RPRD2: variants seen among roughly 807,000 people sequenced by gnomAD.
The protein encoded by RPRD2 is regulation of nuclear pre-mRNA domain-containing protein 2.
In RPRD2, 12 loss-of-function variants were observed where a neutral mutation model predicts 104.4. The ratio of observed to expected loss-of-function variants is 0.11; its 90% CI spans 0.07 to 0.19. The LOEUF is 0.19. RPRD2 is among the 10% of genes least tolerant of loss of function. The probability of loss-of-function intolerance (pLI) is 1.00; values close to 1 mark genes in which losing one functional copy is unlikely to be tolerated. For missense variants in RPRD2, 1,543 were observed against 1,790.1 expected (o/e 0.86, Z 2.49); for synonymous variants, 714 against 684.9 (o/e 1.04, Z -0.66).
At chr1:150,427,842 C>G (rs1168785359) in intron 2 of RPRD2, among the ~76,000 whole-genome samples, 1 of 151,978 alleles carries the variant, frequency 6.6e-6, no homozygotes, top group Non-Finnish European at 1.5e-5. Flanking sequence ...ATAACACTTT[C>G]TGTATAGAAA....
At chr1:150,434,959 G>A (rs587684270) in intron 2 of RPRD2, among the ~76,000 whole-genome samples, 1 of 152,306 alleles carries the variant, frequency 6.6e-6, no homozygotes, top group South Asian at 2.1e-4. Flanking sequence ...GTGCATTGCA[G>A]GTAATGTGGT....
chr1:150,419,098 C>G (rs939894619), intron 2 of RPRD2, among the ~76,000 whole-genome samples: 53 of 152,280 alleles, frequency 3.5e-4, no homozygotes, highest in African/African-American at 1.1e-3. Flanking sequence ...TCCCCACATT[C>G]GGGGAGAATT....
intron 1 of RPRD2, among the ~76,000 whole-genome samples, chr1:150,370,407 A>G (rs1660213612): frequency 6.6e-6 from 1 of 152,092 alleles, no homozygotes; most frequent in Admixed American, 6.6e-5. Flanking sequence ...AGTAGAGATA[A>G]TTCTGTCTGG....
In RPRD2 at chr1:150,470,891, T is replaced by A; in HGVS notation, c.1943T>A (p.Ile648Asn). 6.2e-7 allele frequency: 1 copy of A among 1,614,014 alleles called. No homozygotes were observed. Among genetic ancestry groups the A allele is most frequent in the Non-Finnish European group, 8.5e-7 (1 of 1,179,898 alleles). The stretch of plus-strand genomic sequence containing the variant: ...GCTGCCCCACCTACTGAAGTTACCA[T>A]CTGCCAATCTTCAGAGGTCTCCAAG... ...SPAAPPTEVT[I>N]CQSSEVSKPK... The change falls in exon 11 of 11, where the codon ATC becomes AAC. Residue 648 changes from isoleucine to asparagine, a missense_variant. Ile to Asn is a moderately radical substitution (Grantham distance 149). This residue lies in a region of RPRD2 where 572 missense variants were observed against 787.3 expected (regional missense o/e 0.73). Coordinates refer to ENST00000369068, the MANE Select transcript of RPRD2 (RefSeq NM_015203.5).
At chr1:150,470,534 T>C in intron 10 of RPRD2, 27 bp from the exon 11 acceptor site, 1 of 1,596,002 alleles carries the variant, frequency 6.3e-7, no homozygotes, top group Admixed American at 1.8e-5. Context: ...TTGTTCTTTT[T>C]AACCCCTCTA....
chr1:150,368,960 G>A (rs1259162490), intron 1 of RPRD2, among the ~76,000 whole-genome samples: 2 of 152,132 alleles, frequency 1.3e-5, no homozygotes, highest in Non-Finnish European at 2.9e-5. Context: ...CTTATTTTCA[G>A]TATATGATAT....
rs1240106331 is a variant in RPRD2, at chr1:150,470,859, T to G, written c.1911T>G (p.Thr637=). ...NSLGFTATHN[T]SPAAPPTEVT... ...TGGGGTTTACAGCTACCCACAATACTAGCCCTGCTGCCCCACCTACTGAAG... is the reference window on the plus strand; with the variant it reads ...TGGGGTTTACAGCTACCCACAATACGAGCCCTGCTGCCCCACCTACTGAAG... Residue 637 remains threonine (T), a synonymous_variant, in exon 11 of 11, where the codon ACT becomes ACG. Coordinates refer to ENST00000369068, the MANE Select transcript of RPRD2 (RefSeq NM_015203.5). The G allele has an allele frequency of 6.2e-7, 1 of 1,613,870 alleles. No homozygotes were observed. The highest frequency in any genetic ancestry group is 1.3e-5 in the African/African-American group (1 of 74,956).
rs930524301 is a variant in RPRD2, at chr1:150,397,214, T to A, written c.206-20382T>A. Among the ~76,000 whole-genome samples, 3 of 152,184 alleles carry A rather than the reference T, an allele frequency of 2.0e-5. No individual in the cohort carries two copies. In the East Asian group the frequency reaches 5.8e-4, roughly 29 times the overall value. ...ATCTCAAACTCCTGACCTCACATGA[T>A]CCACCTGCCTCGGCCTCTGGAAGTG... is the stretch of plus-strand genomic sequence containing the variant. On this transcript the variant is annotated intron_variant, in intron 1 of 10. Transcript: ENST00000369068.
intron 2 of RPRD2, among the ~76,000 whole-genome samples, chr1:150,424,041 C>G (rs1281520552): frequency 6.6e-6 from 1 of 152,088 alleles, no homozygotes; most frequent in Non-Finnish European, 1.5e-5. Context: ...ATCCACCCGC[C>G]TCGGCCTCCC....
intron 4 of RPRD2, among the ~76,000 whole-genome samples, 200 bp from the exon 5 acceptor site, chr1:150,443,031 T>A (rs78220682): frequency 0.014 from 2,109 of 152,296 alleles, 54 homozygotes; most frequent in African/African-American, 0.048. Flanking sequence ...GTTAGGTCTG[T>A]CTAAATAGCG....
chr1:150,400,604 G>T (rs142405817), intron 1 of RPRD2, among the ~76,000 whole-genome samples: 1 of 152,040 alleles, frequency 6.6e-6, no homozygotes. Context: ...GTTAATGTTC[G>T]CTCACCCACC....
intron 5 of RPRD2, among the ~76,000 whole-genome samples, chr1:150,443,499 A>G (rs1011546): frequency 0.22 from 33,747 of 152,142 alleles, 4,255 homozygotes; most frequent in African/African-American, 0.32. Flanking sequence ...CAGTATATCT[A>G]TTATCAGCTG....
At chr1:150,451,713 G>T (rs988443783) in intron 7 of RPRD2, among the ~76,000 whole-genome samples, 3 of 150,704 alleles carry the variant, frequency 2.0e-5, no homozygotes, top group African/African-American at 7.3e-5. Context: ...CCAAAAAGAT[G>T]TGTTGAAGCC....
chr1:150,408,681 A>G (rs587679424), intron 1 of RPRD2, among the ~76,000 whole-genome samples: 2 of 152,274 alleles, frequency 1.3e-5, no homozygotes, highest in South Asian at 2.1e-4. Context: ...CTCTCATGCA[A>G]GCATCTTCAT....
intron 1 of RPRD2, among the ~76,000 whole-genome samples, chr1:150,366,774 A>G (rs879993209): frequency 6.6e-5 from 10 of 152,202 alleles, no homozygotes; most frequent in Admixed American, 4.6e-4. Flanking sequence ...TGTGAGTGAG[A>G]GAACCTCTTC....
chr1:150,377,088 G>GT (rs1189404960), intron 1 of RPRD2, among the ~76,000 whole-genome samples: 1 of 151,682 alleles, frequency 6.6e-6, no homozygotes, highest in African/African-American at 2.4e-5. Context: ...GCATGTGCCT[G>GT]TAGTCTCAGC....
intron 2 of RPRD2, among the ~76,000 whole-genome samples, chr1:150,430,756 C>G (rs1041351710): frequency 6.6e-6 from 1 of 152,008 alleles, no homozygotes; most frequent in African/African-American, 2.4e-5. Flanking sequence ...ATGGAGAAAC[C>G]CCGTCTCTAC....
At chr1:150,401,500 CAG>C (rs1344356286) in intron 1 of RPRD2, among the ~76,000 whole-genome samples, 3 of 151,804 alleles carry the variant, frequency 2.0e-5, no homozygotes, top group Non-Finnish European at 4.4e-5. Flanking sequence ...AAAAGAAAGG[CAG>C]AGTCTTACTT....
chr1:150,372,488 A>AACACAC (rs781938858), intron 1 of RPRD2, among the ~76,000 whole-genome samples: 1 of 83,858 alleles, frequency 1.2e-5, no homozygotes, highest in African/African-American at 4.4e-5. Flanking sequence ...TGAAAAAAGA[A>AACACAC]ACACACACAC....
Sources: gnomAD v4.1 joint callset for allele counts (sites outside exome capture counted in the v4.1 genomes callset) on GRCh38, gnomAD v4.1.1 for gene constraint, gnomAD v4.1.1 regional missense constraint, MANE v1.5 for transcripts, NCBI Gene and HGNC (gene_info 2026-07-23, HGNC 2026-07-21) for gene names.